The following FSD1L variants were observed in gnomAD, a reference collection of about 807,000 sequenced individuals.
The protein encoded by FSD1L is fibronectin type III and SPRY domain containing 1 like, also known as FSD1-like protein.
FSD1L carries 45 observed loss-of-function variants against 71.6 expected under a neutral mutation model. The ratio of observed to expected loss-of-function variants is 0.63; its 90% CI spans 0.49 to 0.81. The LOEUF (loss-of-function observed/expected upper bound fraction) is 0.81. Among genes scored for constraint, FSD1L ranks in the 30% least tolerant of loss-of-function variants. The pLI, the probability that FSD1L is intolerant of heterozygous loss-of-function variation, is 0.00. For missense variants in FSD1L, 561 were observed against 618.1 expected (o/e 0.91, Z 0.98); for synonymous variants, 197 against 207.2 (o/e 0.95, Z 0.42).
chr9:105,479,255 A>C, intron 5 of FSD1L, 99 bp from the exon 6 acceptor site: 7 of 1,000,006 alleles, frequency 7.0e-6, no homozygotes, highest in Non-Finnish European at 9.2e-6. Flanking sequence ...AATCTGTTGC[A>C]GGGTTTATAT....
intron 9 of FSD1L, among the ~76,000 whole-genome samples, chr9:105,509,456 A>T (rs1443347099): frequency 6.6e-6 from 1 of 152,192 alleles, no homozygotes; most frequent in African/African-American, 2.4e-5. Context: ...TTTGAAGGTT[A>T]TAATGCTGGA....
intron 10 of FSD1L, among the ~76,000 whole-genome samples, chr9:105,526,766 G>C (rs1357767364): frequency 1.3e-5 from 2 of 151,912 alleles, no homozygotes; most frequent in Non-Finnish European, 2.9e-5. Context: ...AGGGCAGGGG[G>C]AGTTTTATTC....
Position 105,525,301 on chromosome 9 carries a change from T to C in FSD1L, c.1026-9192T>C. ...TGAAGAAGATGCTCTTGATGAACTC[T>C]TGCAGTATTTGGGTGTTACTAGTCC... On this transcript the variant is annotated intron_variant, in intron 10 of 13. Coordinates refer to ENST00000481272, the MANE Select transcript of FSD1L (RefSeq NM_001145313.3). The C allele has an allele frequency of 3.7e-6, 6 of 1,608,608 alleles. No individual in the cohort carries two copies. In the South Asian group the frequency reaches 4.5e-5, roughly 12 times the overall value.
At chr9:105,511,290 TA>T (rs1834382511) in intron 9 of FSD1L, among the ~76,000 whole-genome samples, 1 of 151,970 alleles carries the variant, frequency 6.6e-6, no homozygotes, top group Non-Finnish European at 1.5e-5. Flanking sequence ...CTTCCTTTTT[TA>T]AAAAAACAGC....
At chr9:105,531,586 G>C (rs146189120) in intron 10 of FSD1L, among the ~76,000 whole-genome samples, 1 of 152,192 alleles carries the variant, frequency 6.6e-6, no homozygotes, top group Non-Finnish European at 1.5e-5. Flanking sequence ...AAATACTGAC[G>C]TGATTAATTA....
intron 6 of FSD1L, among the ~76,000 whole-genome samples, chr9:105,481,187 T>G (rs1252495060): frequency 3.3e-5 from 3 of 89,582 alleles, no homozygotes; most frequent in African/African-American, 8.5e-5. Context: ...GTGGTTCTTT[T>G]TTTTTTTTTT....
chr9:105,447,348 A>AC, upstream of FSD1L, among the ~76,000 whole-genome samples: 1 of 145,170 alleles, frequency 6.9e-6, no homozygotes, highest in Non-Finnish European at 1.5e-5. Context: ...AAAAAAAAAA[A>AC]AGAGAATGAC....
At chr9:105,469,252 T>C (rs1831279358) in intron 4 of FSD1L, among the ~76,000 whole-genome samples, 1 of 152,226 alleles carries the variant, frequency 6.6e-6, no homozygotes, top group South Asian at 2.1e-4. Flanking sequence ...CTCTTTGAGA[T>C]TCTGTTTTCA....
upstream of FSD1L, among the ~76,000 whole-genome samples, chr9:105,444,702 TC>T (rs758337703): frequency 6.6e-6 from 1 of 152,208 alleles, no homozygotes; most frequent in Non-Finnish European, 1.5e-5. Context: ...AGGATAAATG[TC>T]TATGACTAGA....
chr9:105,538,843 A>G (rs981927171), intron 12 of FSD1L, among the ~76,000 whole-genome samples: 1 of 152,218 alleles, frequency 6.6e-6, no homozygotes, highest in African/African-American at 2.4e-5. Context: ...TCAGTATCGC[A>G]TCAGGTAGAT....
At chr9:105,528,033 C>T (rs1010158655) in intron 10 of FSD1L, among the ~76,000 whole-genome samples, 43 of 152,124 alleles carry the variant, frequency 2.8e-4, no homozygotes, top group African/African-American at 1.0e-3. Context: ...CATGAGTGAA[C>T]TCTTATTCAC....
chr9:105,465,712 A>G (rs929819591), intron 3 of FSD1L, among the ~76,000 whole-genome samples: 37 of 152,330 alleles, frequency 2.4e-4, no homozygotes, highest in African/African-American at 8.9e-4. Flanking sequence ...ACATCCTTTC[A>G]TGATAAAGAC....
At chr9:105,494,374 G>T (rs1462979573) in intron 7 of FSD1L, among the ~76,000 whole-genome samples, 1 of 151,918 alleles carries the variant, frequency 6.6e-6, no homozygotes. Context: ...GCACTTCTCT[G>T]TATTGGTTAT....
chr9:105,530,108 T>A (rs1835797958), intron 10 of FSD1L, among the ~76,000 whole-genome samples: 1 of 152,198 alleles, frequency 6.6e-6, no homozygotes, highest in Non-Finnish European at 1.5e-5. Context: ...TTGTAAGTAG[T>A]ATAGAAGTAA....
rs1470088843 is a variant in FSD1L, at chr9:105,448,063, CGGCGCGCGCGGTCTG to C, written c.-151_-137del. ...CACCCTGGCAACCGCGGCGTGACTA[CGGCGCGCGCGGTCTG>C]GGCGCGGACGGGTGGGGCCGGGCGG... On this transcript the variant is annotated 5_prime_UTR_variant, in exon 1 of 14. Coordinates refer to ENST00000481272, the MANE Select transcript of FSD1L (RefSeq NM_001145313.3). The C allele has an allele frequency of 3.6e-5, 29 of 794,868 alleles. No individual in the cohort carries two copies. The highest frequency in any genetic ancestry group is 5.0e-5 in the Non-Finnish European group (24 of 483,990). 49.2% of individuals were successfully genotyped at this position (794,868 alleles called of 1,614,324 possible). A position where few individuals can be genotyped will look rare whatever the true frequency, so the allele number is the denominator to read the frequency against.
intron 10 of FSD1L, chr9:105,525,734 C>A: frequency 6.2e-7 from 1 of 1,602,476 alleles, no homozygotes; most frequent in Non-Finnish European, 8.6e-7. Flanking sequence ...CTCACCAATA[C>A]AGGAGGAAGT....
In FSD1L at chr9:105,471,882, GTTTTT is replaced by G; in HGVS notation, c.340-11_340-7del. On this transcript the variant is annotated splice_polypyrimidine_tract_variant and intron_variant, in intron 4 of 13. Coordinates refer to ENST00000481272, the MANE Select transcript of FSD1L (RefSeq NM_001145313.3). ...TAGGAAACTTCATTTTAATGACTTAGTTTTTTTTTTTTTTTCCCTAGAGTCAGATT... is the reference window on the plus strand; with the variant it reads ...TAGGAAACTTCATTTTAATGACTTAGTTTTTTTTTTCCCTAGAGTCAGATT... 5.4e-6 allele frequency: 4 copies of G among 743,516 alleles called. No homozygotes were observed. Among genetic ancestry groups the G allele is most frequent in the South Asian group, 3.1e-5 (1 of 32,500 alleles). 46.1% of individuals were successfully genotyped at this position (743,516 alleles called of 1,614,324 possible). A position where few individuals can be genotyped will look rare whatever the true frequency, so the allele number is the denominator to read the frequency against.
At chr9:105,537,852 A>G (rs1836366832) in intron 12 of FSD1L, among the ~76,000 whole-genome samples, 1 of 152,168 alleles carries the variant, frequency 6.6e-6, no homozygotes, top group Non-Finnish European at 1.5e-5. Context: ...GAAAGCCCTT[A>G]ATAAGTGTTG....
At chr9:105,489,071 A>G (rs1216318224) in intron 7 of FSD1L, among the ~76,000 whole-genome samples, 1 of 152,156 alleles carries the variant, frequency 6.6e-6, no homozygotes, top group Admixed American at 6.6e-5. Context: ...TAAGATGACA[A>G]TGACTATATC....
Sources: gnomAD v4.1 joint callset for allele counts (sites outside exome capture counted in the v4.1 genomes callset) on GRCh38, gnomAD v4.1.1 for gene constraint, MANE v1.5 for transcripts, NCBI Gene and HGNC (gene_info 2026-07-23, HGNC 2026-07-21) for gene names.